The following CFAP36 variants were observed in gnomAD, a reference collection of about 807,000 sequenced individuals.
CFAP36 encodes the protein cilia and flagella associated protein 36.
A neutral mutation model predicts 50.5 loss-of-function variants in CFAP36; 37 were observed. The observed-to-expected ratio is 0.73, with a 90% CI of 0.56 to 0.96. CFAP36 has a LOEUF of 0.96. Ranked by LOEUF, CFAP36 falls within the 50% of genes least tolerant of loss-of-function variation. The pLI is 0.00. For missense variants in CFAP36, 407 were observed against 396.2 expected, an observed-to-expected ratio of 1.03 and a Z score of -0.23; for synonymous variants, 138 against 128.2, an observed-to-expected ratio of 1.08 and a Z score of -0.52.
intron 7 of CFAP36, 40 bp from the exon 8 acceptor site, chr2:55,543,898 C>A: frequency 1.3e-6 from 2 of 1,541,866 alleles, no homozygotes; most frequent in Non-Finnish European, 1.8e-6. Flanking sequence ...AAATATTTCT[C>A]ATAATATTCT....
intron 1 of CFAP36, chr2:55,520,352 G>T: frequency 1.4e-6 from 2 of 1,439,900 alleles, no homozygotes; most frequent in Non-Finnish European, 1.9e-6. Context: ...CTAGCATTTC[G>T]CCCGGTGTAG....
Position 55,545,040 on chromosome 2 carries a change from C to A in CFAP36, c.*32C>A. ...AGAACAATTTAACAAAATGGAAGTT[C>A]AAATTGTCTTAAAAATAAATTATTT... On this transcript the variant is annotated 3_prime_UTR_variant, in exon 10 of 10. Transcript: ENST00000349456. 2 of 1,275,800 alleles carry A rather than the reference C, an allele frequency of 1.6e-6. No individual in the cohort carries two copies. Among genetic ancestry groups the A allele is most frequent in the South Asian group, 1.4e-5 (1 of 73,354 alleles). The allele number at this position is 1,275,800 out of a possible 1,614,324, so 79.0% of individuals were successfully genotyped here. A position where few individuals can be genotyped will look rare whatever the true frequency, so the allele number is the denominator to read the frequency against.
intron 7 of CFAP36, among the ~76,000 whole-genome samples, chr2:55,541,407 C>T (rs1684635623): frequency 6.6e-6 from 1 of 152,116 alleles, no homozygotes; most frequent in South Asian, 2.1e-4. Flanking sequence ...TTGTAGTTTT[C>T]CTCATATAGA....
intron 4 of CFAP36, among the ~76,000 whole-genome samples, chr2:55,532,511 C>G (rs979140172): frequency 1.3e-5 from 2 of 152,058 alleles, no homozygotes; most frequent in Non-Finnish European, 2.9e-5. Flanking sequence ...AATTTTATAT[C>G]TTTTGACTGA....
chr2:55,523,667 CTG>C, intron 2 of CFAP36, 52 bp from the exon 3 acceptor site: 1 of 1,191,350 alleles, frequency 8.4e-7, no homozygotes, highest in Non-Finnish European at 1.2e-6. Context: ...AATATGCAAA[CTG>C]TCATGTAGAA....
intron 7 of CFAP36, chr2:55,539,662 A>G (rs1684582308): frequency 6.6e-6 from 1 of 152,236 alleles, no homozygotes; most frequent in African/African-American, 2.4e-5. Flanking sequence ...TATATCTTAC[A>G]GTAAGAGTAT....
intron 7 of CFAP36, among the ~76,000 whole-genome samples, chr2:55,541,204 A>G (rs922295730): frequency 4.0e-5 from 6 of 151,282 alleles, no homozygotes; most frequent in Non-Finnish European, 8.8e-5. Context: ...AGTTCCTGTA[A>G]TGCTAGCTAC....
chr2:55,526,725 G>C (rs1012895913), intron 3 of CFAP36, among the ~76,000 whole-genome samples: 1 of 152,110 alleles, frequency 6.6e-6, no homozygotes, highest in Non-Finnish European at 1.5e-5. Flanking sequence ...TTACAGGTGT[G>C]AGCCACTACA....
intron 5 of CFAP36, among the ~76,000 whole-genome samples, chr2:55,535,359 G>A (rs1310657276): frequency 1.3e-5 from 2 of 152,184 alleles, no homozygotes; most frequent in African/African-American, 4.8e-5. Context: ...CAAGAGGGGT[G>A]TAATTGATCA....
Position 55,545,041 on chromosome 2 carries a change from A to C in CFAP36, c.*33A>C, listed in dbSNP as rs1227849184. 1 of 1,262,094 alleles carries C rather than the reference A, an allele frequency of 7.9e-7. No homozygotes were observed. Among genetic ancestry groups the C allele is most frequent in the South Asian group, 1.4e-5 (1 of 72,816 alleles). 78.2% of individuals were successfully genotyped at this position (1,262,094 alleles called of 1,614,324 possible). ...GAACAATTTAACAAAATGGAAGTTC[A>C]AATTGTCTTAAAAATAAATTATTTA... On this transcript the variant is annotated 3_prime_UTR_variant, in exon 10 of 10. Transcript: ENST00000349456.
intron 4 of CFAP36, among the ~76,000 whole-genome samples, chr2:55,529,541 T>A (rs905179257): frequency 2.0e-5 from 3 of 152,218 alleles, no homozygotes; most frequent in African/African-American, 7.2e-5. Flanking sequence ...CCATTATGTT[T>A]ATGAAGTTGA....
At chr2:55,522,576 C>T (rs1684100042) in intron 2 of CFAP36, among the ~76,000 whole-genome samples, 1 of 152,150 alleles carries the variant, frequency 6.6e-6, no homozygotes, top group Admixed American at 6.5e-5. Context: ...CCTCAACCTC[C>T]CCAGGCTCAA....
At chr2:55,538,278 C>A (rs1684544622) in intron 7 of CFAP36, among the ~76,000 whole-genome samples, 1 of 145,334 alleles carries the variant, frequency 6.9e-6, no homozygotes, top group African/African-American at 2.5e-5. Flanking sequence ...ATATTATAAT[C>A]CTTGTTTTTC....
chr2:55,534,046 T>C, intron 5 of CFAP36, 86 bp downstream of exon 5: 2 of 664,070 alleles, frequency 3.0e-6, no homozygotes, highest in South Asian at 2.6e-5. Flanking sequence ...AAATATGAAC[T>C]AATAAAATTG....
intron 1 of CFAP36, 112 bp downstream of exon 1, chr2:55,520,028 C>A: frequency 1.1e-6 from 1 of 939,490 alleles, no homozygotes; most frequent in Non-Finnish European, 1.6e-6. Context: ...CTGTCTCCAC[C>A]CCTGTCGCAA....
At chr2:55,522,736 T>C (rs1467256361) in intron 2 of CFAP36, among the ~76,000 whole-genome samples, 1 of 152,160 alleles carries the variant, frequency 6.6e-6, no homozygotes, top group Non-Finnish European at 1.5e-5. Context: ...TCCACCTGCC[T>C]GGGCCTCCCA....
chr2:55,533,319 A>T (rs1684399125), intron 4 of CFAP36, among the ~76,000 whole-genome samples: 1 of 152,202 alleles, frequency 6.6e-6, no homozygotes, highest in African/African-American at 2.4e-5. Flanking sequence ...TTTAATTGCC[A>T]ATAAAATAAT....
chr2:55,521,626 T>TA (rs1491101569), intron 1 of CFAP36, among the ~76,000 whole-genome samples: 4 of 150,172 alleles, frequency 2.7e-5, no homozygotes, highest in Admixed American at 6.7e-5. Flanking sequence ...TGTGTGTATA[T>TA]TTTTTTTTCT....
chr2:55,528,653 C>A (rs1684273002), intron 3 of CFAP36, among the ~76,000 whole-genome samples: 1 of 152,232 alleles, frequency 6.6e-6, no homozygotes, highest in Admixed American at 6.5e-5. Flanking sequence ...GCCTCAGCCG[C>A]CCAAAGTATT....
Sources: gnomAD v4.1 joint callset for allele counts (sites outside exome capture counted in the v4.1 genomes callset) on GRCh38, gnomAD v4.1.1 for gene constraint, MANE v1.5 for transcripts, NCBI Gene and HGNC (gene_info 2026-07-23, HGNC 2026-07-21) for gene names.